PHLPP2: variants seen among roughly 807,000 people sequenced by gnomAD.
PHLPP2 encodes PH domain leucine-rich repeat-containing protein phosphatase 2.
PHLPP2 carries 66 observed loss-of-function variants against 124.9 expected under a neutral mutation model. That is an observed-to-expected ratio of 0.53 (90% CI 0.43 to 0.65). The LOEUF (loss-of-function observed/expected upper bound fraction) is 0.65, where lower values mean the gene tolerates loss of function less well. PHLPP2 is among the 30% of genes least tolerant of loss of function. The pLI, the probability that PHLPP2 is intolerant of heterozygous loss-of-function variation, is 0.00. For synonymous variants in PHLPP2, 681 were observed against 624.7 expected (o/e 1.09, Z -1.34); for missense variants, 1,685 against 1,600.4 (o/e 1.05, Z -0.90).
intron 15 of PHLPP2, among the ~76,000 whole-genome samples, chr16:71,657,499 A>G (rs538167498): frequency 6.6e-6 from 1 of 151,254 alleles, no homozygotes; most frequent in Non-Finnish European, 1.5e-5. Context: ...GGTTCACGCC[A>G]TTCTCCTGCC....
intron 2 of PHLPP2, among the ~76,000 whole-genome samples, chr16:71,713,846 G>T (rs567303582): frequency 1.3e-5 from 2 of 151,436 alleles, no homozygotes; most frequent in South Asian, 4.2e-4. Context: ...ACAGGCCTGG[G>T]TAGTTGGGGA....
chr16:71,723,683 A>C, intron 1 of PHLPP2: 1 of 573,524 alleles, frequency 1.7e-6, no homozygotes, highest in South Asian at 3.4e-5. Flanking sequence ...CGGGGGCGGC[A>C]GCGGCCTCTA....
chr16:71,657,539 C>G (rs941398334), intron 15 of PHLPP2, among the ~76,000 whole-genome samples: 32 of 151,652 alleles, frequency 2.1e-4, no homozygotes, highest in Middle Eastern at 3.4e-3. Flanking sequence ...GGACTACAGG[C>G]GCCCGCCACC....
chr16:71,653,046 A>C (rs746441973), intron 17 of PHLPP2, 25 bp from the exon 18 acceptor site: 26 of 1,504,002 alleles, frequency 1.7e-5, no homozygotes, highest in Admixed American at 1.5e-4. Flanking sequence ...AAGGAAAAGA[A>C]GACGTGGTGG....
At chr16:71,658,502 A>C (rs908332054) in intron 14 of PHLPP2, 139 bp from the exon 15 acceptor site, 1 of 1,179,058 alleles carries the variant, frequency 8.5e-7, no homozygotes, top group Non-Finnish European at 1.2e-6. Flanking sequence ...TTCTGGTCCC[A>C]AACTGGAGCA....
chr16:71,656,243 A>T (rs959474211), intron 16 of PHLPP2, among the ~76,000 whole-genome samples: 2 of 152,126 alleles, frequency 1.3e-5, no homozygotes, highest in Non-Finnish European at 2.9e-5. Flanking sequence ...GTCATCAGAA[A>T]GTGAGGCCAT....
chr16:71,683,362 G>T (rs2045021713), intron 5 of PHLPP2, among the ~76,000 whole-genome samples: 1 of 152,144 alleles, frequency 6.6e-6, no homozygotes, highest in Non-Finnish European at 1.5e-5. Context: ...TGGCATATAG[G>T]AATAATGGTT....
chr16:71,646,487 G>T lies in PHLPP2; in HGVS notation c.*2403C>A, dbSNP rs2044654127. 1 of 152,124 alleles carries T rather than the reference G, an allele frequency of 6.6e-6. No individual in the cohort carries two copies. Among genetic ancestry groups the T allele is most frequent in the South Asian group, 2.1e-4 (1 of 4,822 alleles). 9.4% of individuals were successfully genotyped at this position (152,124 alleles called of 1,614,324 possible). ...CATTTCAGAACTGGGTTTTGAGGTGGTTCCAATAAGTAGGTTGGGAAACGA... is the reference window on the plus strand; with the variant it reads ...CATTTCAGAACTGGGTTTTGAGGTGTTTCCAATAAGTAGGTTGGGAAACGA... On this transcript the variant is annotated 3_prime_UTR_variant, in exon 19 of 19. Coordinates refer to ENST00000568954, the MANE Select transcript of PHLPP2 (RefSeq NM_015020.3).
At chr16:71,655,687 T>C (rs1455253824) in intron 16 of PHLPP2, among the ~76,000 whole-genome samples, 1 of 151,968 alleles carries the variant, frequency 6.6e-6, no homozygotes, top group Non-Finnish European at 1.5e-5. Flanking sequence ...GTATTTTTAG[T>C]AGAGATGTTA....
chr16:71,669,197 C>T (rs2044867631), intron 11 of PHLPP2, 78 bp downstream of exon 11: 5 of 1,010,912 alleles, frequency 4.9e-6, no homozygotes, highest in Non-Finnish European at 7.5e-6. Context: ...AAAGGCAACC[C>T]AAATCTAGAA....
rs939338958 is a variant in PHLPP2, at chr16:71,678,860, T to G, written c.1163A>C (p.Glu388Ala). 1 of 1,611,680 alleles carries G rather than the reference T, an allele frequency of 6.2e-7. No homozygotes were observed. The highest frequency in any genetic ancestry group is 8.5e-7 in the Non-Finnish European group (1 of 1,177,792). Residue 388 changes from glutamate (E) to alanine (A), a missense_variant, in exon 8 of 19, where the codon GAG becomes GCG. By Grantham distance (107) the Glu-to-Ala change is moderately radical (BLOSUM62 -1). Coordinates refer to ENST00000568954, the MANE Select transcript of PHLPP2 (RefSeq NM_015020.3). ...NNFSQIPEVY[E>A]KLTMLDRVVM... ...CACTCTATCTAACATAGTGAGTTTC[T>G]CATAAACCTCAGGAATTTGACTAAA...
chr16:71,701,936 A>G (rs1262414213), intron 3 of PHLPP2, among the ~76,000 whole-genome samples: 1 of 152,212 alleles, frequency 6.6e-6, no homozygotes, highest in African/African-American at 2.4e-5. Context: ...GTACATATAG[A>G]GTTCAGTACT....
intron 16 of PHLPP2, 110 bp from the exon 17 acceptor site, chr16:71,655,544 C>A: frequency 4.0e-6 from 3 of 755,010 alleles, no homozygotes; most frequent in African/African-American, 1.8e-5. Flanking sequence ...GCACTGTCAC[C>A]CAGGCTGGAG....
At chr16:71,722,585 T>C (rs955999675) in intron 1 of PHLPP2, among the ~76,000 whole-genome samples, 1 of 152,238 alleles carries the variant, frequency 6.6e-6, no homozygotes. Context: ...CTTCATAACA[T>C]GTAAATACTG....
chr16:71,700,442 A>C (rs2045219704), intron 3 of PHLPP2, among the ~76,000 whole-genome samples: 1 of 151,696 alleles, frequency 6.6e-6, no homozygotes, highest in Non-Finnish European at 1.5e-5. Flanking sequence ...ATAGACCCAC[A>C]AATTCTTTGA....
intron 13 of PHLPP2, 119 bp downstream of exon 13, chr16:71,663,780 T>C: frequency 1.3e-6 from 1 of 763,454 alleles, no homozygotes; most frequent in Middle Eastern, 3.5e-4. Flanking sequence ...AGTGAAATCA[T>C]AGCATCTGTA....
chr16:71,679,461 G>A lies in PHLPP2; in HGVS notation c.965C>T (p.Ser322Phe), dbSNP rs1164917959. The A allele has an allele frequency of 6.2e-7, 1 of 1,613,266 alleles. No individual in the cohort carries two copies. ...GGAAAGGTTGAGCTCAGTCAGGGTA[G>A]AGATCTCGCATAACAATATAGGAAA... The part of the protein sequence containing the change: ...GLFPILLCEI[S>F]TLTELNLSCN... The change falls in exon 7 of 19, where the codon TCT (serine) becomes TTT (phenylalanine). Residue 322 changes from serine (S) to phenylalanine (F), a missense_variant. Coordinates refer to ENST00000568954, the MANE Select transcript of PHLPP2 (RefSeq NM_015020.3).
chr16:71,698,181 G>A (rs959861240), intron 3 of PHLPP2, among the ~76,000 whole-genome samples: 3 of 152,066 alleles, frequency 2.0e-5, no homozygotes, highest in Non-Finnish European at 2.9e-5. Context: ...CATTAAGAGG[G>A]GGCAGCACAG....
Position 71,678,773 on chromosome 16 carries a change from A to G in PHLPP2, c.1250T>C (p.Ile417Thr). 1 of 1,591,568 alleles carries G rather than the reference A, an allele frequency of 6.3e-7. No individual in the cohort carries two copies. The highest frequency in any genetic ancestry group is 1.3e-5 in the African/African-American group (1 of 74,648). ...ACCTTACCTTAAATCCACATGCTTG[A>G]TATGGTTCATCCTATTCAGCACCCC... Reference protein sequence around the residue: ...NLGVLNRMNHIKHVDLRMNHL... With the variant: ...NLGVLNRMNHTKHVDLRMNHL... Residue 417 changes from isoleucine (I) to threonine (T), a missense_variant, in exon 8 of 19, where the codon ATC (isoleucine) becomes ACC (threonine). Physicochemically the swap from Ile to Thr is moderately conservative, Grantham distance 89. Transcript: ENST00000568954.
Sources: allele counts gnomAD v4.1 joint callset (sites outside exome capture counted in the v4.1 genomes callset), GRCh38; gene constraint gnomAD v4.1.1; transcripts MANE v1.5; gene names NCBI Gene and HGNC (gene_info 2026-07-23, HGNC 2026-07-21).